YWHAE: variants seen among roughly 807,000 people sequenced by gnomAD.
The protein encoded by YWHAE is tyrosine 3-monooxygenase/tryptophan 5-monooxygenase activation protein epsilon.
A neutral mutation model predicts 30.1 loss-of-function variants in YWHAE; 4 were observed. The observed-to-expected ratio is 0.13, with a 90% CI of 0.07 to 0.30. YWHAE has a LOEUF of 0.30. Ranked by LOEUF, YWHAE falls within the 10% of genes least tolerant of loss-of-function variation. YWHAE has a pLI of 1.00. For synonymous variants in YWHAE, 118 were observed against 111.8 expected (o/e 1.06, Z -0.35); for missense variants, 121 against 315.9 (o/e 0.38, Z 4.68).
intron 1 of YWHAE, 23 bp from the exon 2 acceptor site, chr17:1,365,081 A>C (rs746961470): frequency 1.4e-5 from 23 of 1,603,812 alleles, no homozygotes; most frequent in Admixed American, 5.2e-5. Context: ...AGGAAAAGTC[A>C]GACCTTACAA....
At chr17:1,354,485 C>G (rs1268247004) in intron 4 of YWHAE, 138 bp from the exon 5 acceptor site, 3 of 872,908 alleles carry the variant, frequency 3.4e-6, no homozygotes, top group Non-Finnish European at 3.4e-6. Flanking sequence ...AAAGCAAATA[C>G]AATAAAAATT....
At chr17:1,367,759 A>G (rs1373152693) in intron 1 of YWHAE, among the ~76,000 whole-genome samples, 2 of 152,182 alleles carry the variant, frequency 1.3e-5, no homozygotes, top group East Asian at 3.9e-4. Flanking sequence ...AGTCAGATTA[A>G]AAGGATTTTA....
chr17:1,390,236 T>C (rs1408361476), intron 1 of YWHAE, among the ~76,000 whole-genome samples: 1 of 152,196 alleles, frequency 6.6e-6, no homozygotes, highest in African/African-American at 2.4e-5. Context: ...CTAAAATTAA[T>C]ATCAAAACAA....
At chr17:1,357,386 T>G (rs1413283927) in intron 4 of YWHAE, among the ~76,000 whole-genome samples, 48 of 90,304 alleles carry the variant, frequency 5.3e-4, no homozygotes, top group African/African-American at 7.9e-4. Flanking sequence ...CTGGGGGACA[T>G]AGCGAGACTC....
intron 1 of YWHAE, among the ~76,000 whole-genome samples, chr17:1,386,934 ACAGAGTGAGACTCCGTCT>A (rs1238164921): frequency 1.3e-5 from 2 of 150,728 alleles, no homozygotes; most frequent in African/African-American, 2.5e-5. Flanking sequence ...AGTCTGGGCA[ACAGAGTGAGACTCCGTCT>A]CAAAAGGAAA....
At chr17:1,386,839 A>G (rs1010222621) in intron 1 of YWHAE, among the ~76,000 whole-genome samples, 2 of 152,190 alleles carry the variant, frequency 1.3e-5, no homozygotes, top group Non-Finnish European at 2.9e-5. Context: ...CTGTAATCCC[A>G]GCTACTCAGG....
At chr17:1,387,440 T>C (rs774364840) in intron 1 of YWHAE, among the ~76,000 whole-genome samples, 10 of 152,196 alleles carry the variant, frequency 6.6e-5, no homozygotes, top group Non-Finnish European at 1.3e-4. Context: ...TTTTATGGAA[T>C]TAGAAAAGAC....
At chr17:1,348,747 G>A (rs909558168) in intron 5 of YWHAE, among the ~76,000 whole-genome samples, 8 of 152,332 alleles carry the variant, frequency 5.3e-5, no homozygotes, top group African/African-American at 1.9e-4. Flanking sequence ...ATGTAGGCCG[G>A]GAACAGTGGC....
chr17:1,372,566 T>C (rs984270017), intron 1 of YWHAE, among the ~76,000 whole-genome samples: 3 of 152,222 alleles, frequency 2.0e-5, no homozygotes, highest in African/African-American at 7.2e-5. Flanking sequence ...TCCTTTCTCT[T>C]AAACACTTAG....
intron 1 of YWHAE, among the ~76,000 whole-genome samples, chr17:1,376,169 T>G (rs1378433956): frequency 2.0e-5 from 3 of 152,222 alleles, no homozygotes; most frequent in African/African-American, 7.2e-5. Flanking sequence ...ATTTGAATAT[T>G]TATTTGAATG....
intron 1 of YWHAE, among the ~76,000 whole-genome samples, chr17:1,379,105 G>C (rs1178145187): frequency 6.6e-6 from 1 of 152,186 alleles, no homozygotes; most frequent in African/African-American, 2.4e-5. Context: ...CTTGAAGCCT[G>C]CTTAAAGTTT....
At chr17:1,369,360 G>A (rs952376677) in intron 1 of YWHAE, among the ~76,000 whole-genome samples, 2 of 152,096 alleles carry the variant, frequency 1.3e-5, no homozygotes, top group African/African-American at 2.4e-5. Flanking sequence ...TGGGCATGGT[G>A]GCAGGCGCCT....
chr17:1,358,918 C>T (rs994984574), intron 4 of YWHAE, among the ~76,000 whole-genome samples: 35 of 150,624 alleles, frequency 2.3e-4, no homozygotes, highest in African/African-American at 8.1e-4. Flanking sequence ...GCAGATCACA[C>T]GAGGTCAGGA....
At chr17:1,358,548 T>C (rs893793507) in intron 4 of YWHAE, among the ~76,000 whole-genome samples, 7 of 148,760 alleles carry the variant, frequency 4.7e-5, no homozygotes, top group Non-Finnish European at 1.0e-4. Context: ...CCAAAAAAAA[T>C]TTAAAAATTG....
At chr17:1,370,293 A>AT (rs201079697) in intron 1 of YWHAE, among the ~76,000 whole-genome samples, 4 of 150,562 alleles carry the variant, frequency 2.7e-5, no homozygotes, top group Admixed American at 6.6e-5. Flanking sequence ...TGCCCAGTGA[A>AT]TTTTTTTGTG....
intron 1 of YWHAE, among the ~76,000 whole-genome samples, chr17:1,376,011 G>T (rs2073116445): frequency 6.6e-6 from 1 of 152,186 alleles, no homozygotes; most frequent in African/African-American, 2.4e-5. Flanking sequence ...ACAGACCTCT[G>T]AAGTGGGTAC....
At chr17:1,351,808 T>C (rs1310095105) in intron 5 of YWHAE, among the ~76,000 whole-genome samples, 1 of 152,110 alleles carries the variant, frequency 6.6e-6, no homozygotes, top group African/African-American at 2.4e-5. Context: ...TCCTGCTCTA[T>C]GAAGCCTCGC....
At chr17:1,397,570 A>C (rs1181392965) in intron 1 of YWHAE, among the ~76,000 whole-genome samples, 3 of 152,178 alleles carry the variant, frequency 2.0e-5, no homozygotes, top group Non-Finnish European at 4.4e-5. Context: ...TAACAGAGAG[A>C]TAAAAGGGCA....
chr17:1,381,164 G>A (rs1677043601), intron 1 of YWHAE, among the ~76,000 whole-genome samples: 1 of 152,158 alleles, frequency 6.6e-6, no homozygotes, highest in African/African-American at 2.4e-5. Flanking sequence ...AATCACTTGA[G>A]GTCAGGAGTT....
Sources: gnomAD v4.1 joint callset for allele counts (sites outside exome capture counted in the v4.1 genomes callset) on GRCh38, gnomAD v4.1.1 for gene constraint, MANE v1.5 for transcripts, NCBI Gene and HGNC (gene_info 2026-07-23, HGNC 2026-07-21) for gene names.